The following GALNT17 variants were observed in gnomAD, a reference collection of about 807,000 sequenced individuals.
GALNT17 encodes UDP-GalNAc:polypeptide N-acetylgalactosaminyltransferase-like 3.
Under a neutral mutation model 63.7 loss-of-function variants are expected in GALNT17, and 29 were observed. That is an observed-to-expected ratio of 0.46 (90% confidence interval 0.34 to 0.62). The LOEUF (loss-of-function observed/expected upper bound fraction) is 0.62, where lower values mean the gene tolerates loss of function less well. GALNT17 is among the 20% of genes least tolerant of loss of function. The probability of loss-of-function intolerance (pLI) is 0.01; values close to 1 mark genes in which losing one functional copy is unlikely to be tolerated. For missense variants in GALNT17, 603 were observed against 799.6 expected (o/e 0.75, Z 2.97); for synonymous variants, 305 against 318.3 (o/e 0.96, Z 0.45).
In GALNT17 at chr7:71,609,665, T is replaced by A. The variant is rs149399875; in HGVS notation, c.1080+38263T>A. Among the ~76,000 whole-genome samples, 291 of 152,272 alleles carry A rather than the reference T, an allele frequency of 1.9e-3. 1 individual carries two copies. The highest frequency in any genetic ancestry group is 6.6e-3 in the African/African-American group (276 of 41,556). Reference sequence around the variant, plus strand: ...ATAGGATATCCACCCCCTTGAGCATTTATCCTTTGAATTACAGACAATCCA... The same window carrying A: ...ATAGGATATCCACCCCCTTGAGCATATATCCTTTGAATTACAGACAATCCA... On this transcript the variant is annotated intron_variant, in intron 6 of 10. Transcript: ENST00000333538.
chr7:71,409,839 G>T (rs140304736), intron 3 of GALNT17, among the ~76,000 whole-genome samples: 1 of 152,250 alleles, frequency 6.6e-6, no homozygotes, highest in African/African-American at 2.4e-5. Flanking sequence ...CCTCCCCAAC[G>T]ATTTCTGGGC....
chr7:71,437,474 T>TTGA (rs1786986297), intron 5 of GALNT17, among the ~76,000 whole-genome samples: 1 of 152,208 alleles, frequency 6.6e-6, no homozygotes, highest in Non-Finnish European at 1.5e-5. Context: ...ATGATCAACT[T>TTGA]TATCACTTTC....
At chr7:71,416,087 G>A (rs1793521505) in intron 4 of GALNT17, 24 bp downstream of exon 4, 1 of 1,592,850 alleles carries the variant, frequency 6.3e-7, no homozygotes, top group Non-Finnish European at 8.5e-7. Context: ...TGAAACTCAG[G>A]GGTGCTCAAG....
intron 5 of GALNT17, among the ~76,000 whole-genome samples, chr7:71,535,677 T>C (rs1028751791): frequency 6.6e-6 from 1 of 152,200 alleles, no homozygotes; most frequent in Non-Finnish European, 1.5e-5. Context: ...ATGACTCTAC[T>C]TTCTTTGTCT....
rs911006548 is a variant in GALNT17 at position 71,701,379 on chromosome 7, C to G, written c.1501-9382C>G. On this transcript the variant is annotated intron_variant, in intron 9 of 10. Transcript: ENST00000333538. ...GCAGGTGCCTGTAATCCTGGCTACT[C>G]TGGAGGCTAAGGCAGGAGAATCACT... Among the ~76,000 whole-genome samples the G allele has an allele frequency of 7.9e-5, 12 of 151,848 alleles. 1 individual carries two copies. The highest frequency in any genetic ancestry group is 7.9e-4 in the Admixed American group (12 of 15,228).
chr7:71,165,022 A>G (rs1788411489), intron 1 of GALNT17, among the ~76,000 whole-genome samples: 1 of 152,252 alleles, frequency 6.6e-6, no homozygotes, highest in South Asian at 2.1e-4. Context: ...CACATTTTGA[A>G]TGCATTACAT....
chr7:71,432,943 G>A (rs1329899325), intron 5 of GALNT17, among the ~76,000 whole-genome samples: 2 of 152,118 alleles, frequency 1.3e-5, no homozygotes, highest in Non-Finnish European at 2.9e-5. Context: ...CTGAGTAGCT[G>A]GAATAACAGG....
chr7:71,557,395 C>A (rs1005737943), intron 5 of GALNT17, among the ~76,000 whole-genome samples: 2 of 152,098 alleles, frequency 1.3e-5, no homozygotes, highest in African/African-American at 4.8e-5. Flanking sequence ...TTGCATCAGC[C>A]CTGGAAGTTG....
In GALNT17 at chr7:71,416,044, G is replaced by A. The variant is rs758579864; in HGVS notation, c.745G>A (p.Val249Met). The change falls in exon 4 of 11, where the codon GTG (valine) becomes ATG (methionine). Residue 249 changes from valine to methionine, a missense_variant. Physicochemically the swap from Val to Met is conservative, Grantham distance 21 (BLOSUM62 1). Transcript: ENST00000333538. ...GQVTGFFDAH[V>M]EFTAGWAEPV... ...GGTCACTGGCTTCTTTGATGCCCAC[G>A]TGGAATTCACCGCTGGCTGGTAGGT... The A allele has an allele frequency of 4.3e-6, 7 of 1,612,530 alleles. No homozygotes were observed. The highest frequency in any genetic ancestry group is 2.2e-5 in the East Asian group (1 of 44,842).
intron 1 of GALNT17, among the ~76,000 whole-genome samples, chr7:71,144,171 C>T (rs1787970602): frequency 6.6e-6 from 1 of 152,126 alleles, no homozygotes; most frequent in South Asian, 2.1e-4. Context: ...CCAACCCTAC[C>T]ACTGTTTCTA....
At chr7:71,463,655 G>C (rs760918399) in intron 5 of GALNT17, among the ~76,000 whole-genome samples, 1 of 152,198 alleles carries the variant, frequency 6.6e-6, no homozygotes, top group Non-Finnish European at 1.5e-5. Context: ...AATTACTCAT[G>C]AGTTTTCTGG....
intron 6 of GALNT17, among the ~76,000 whole-genome samples, chr7:71,610,754 G>A (rs867044731): frequency 6.6e-6 from 1 of 152,066 alleles, no homozygotes; most frequent in African/African-American, 2.4e-5. Context: ...GGGAGGCTGA[G>A]GTGAGCGGAT....
intron 6 of GALNT17, among the ~76,000 whole-genome samples, chr7:71,631,620 A>C (rs1207913192): frequency 1.3e-5 from 2 of 152,284 alleles, no homozygotes; most frequent in East Asian, 3.9e-4. Flanking sequence ...AGGAAGAGCA[A>C]GGAGGCCACT....
chr7:71,478,406 C>G (rs1379964320), intron 5 of GALNT17, among the ~76,000 whole-genome samples: 1 of 152,044 alleles, frequency 6.6e-6, no homozygotes, highest in African/African-American at 2.4e-5. Flanking sequence ...CTGGAACTCA[C>G]AGGCTCAAGC....
chr7:71,545,360 T>C (rs1788965540), intron 5 of GALNT17, among the ~76,000 whole-genome samples: 1 of 152,152 alleles, frequency 6.6e-6, no homozygotes, highest in South Asian at 2.1e-4. Flanking sequence ...GGTTTGCTTG[T>C]TTGTTTGTTT....
intron 5 of GALNT17, among the ~76,000 whole-genome samples, chr7:71,452,360 A>G (rs577062915): frequency 9.9e-5 from 15 of 152,274 alleles, no homozygotes; most frequent in African/African-American, 3.6e-4. Flanking sequence ...AGCATAGCCA[A>G]CAAGGTGAAA....
chr7:71,209,656 T>G (rs1789339402), intron 1 of GALNT17, among the ~76,000 whole-genome samples: 1 of 152,088 alleles, frequency 6.6e-6, no homozygotes, highest in South Asian at 2.1e-4. Context: ...TCACCATGCC[T>G]GGTTAATTTT....
chr7:71,225,743 A>G (rs1562929820), intron 1 of GALNT17, among the ~76,000 whole-genome samples: 1 of 152,226 alleles, frequency 6.6e-6, no homozygotes, highest in Non-Finnish European at 1.5e-5. Context: ...CCATGCTGTC[A>G]TTCCCCGGGA....
rs555399515 is a variant in GALNT17 at position 71,148,787 on chromosome 7, G to T, written c.238+15747G>T. Among the ~76,000 whole-genome samples the T allele has an allele frequency of 6.3e-4, 94 of 148,174 alleles. 1 individual carries two copies. Among genetic ancestry groups the T allele is most frequent in the Middle Eastern group, 3.7e-3 (1 of 272 alleles). On this transcript the variant is annotated intron_variant, in intron 1 of 10. Coordinates refer to ENST00000333538, the MANE Select transcript of GALNT17 (RefSeq NM_022479.3). ...GGTAGCGTACTTTTTCCCCCTCAGGGTACATAAAAATGGAGTATCTTATAG... is the reference window on the plus strand; with the variant it reads ...GGTAGCGTACTTTTTCCCCCTCAGGTTACATAAAAATGGAGTATCTTATAG...
Sources: gnomAD v4.1 joint callset for allele counts (sites outside exome capture counted in the v4.1 genomes callset) on GRCh38, gnomAD v4.1.1 for gene constraint, MANE v1.5 for transcripts, NCBI Gene and HGNC (gene_info 2026-07-23, HGNC 2026-07-21) for gene names.